Variants in MYBPC2 observed in about 807,000 individuals in gnomAD.
The protein encoded by MYBPC2 is myosin-binding protein C, fast-type.
MYBPC2 carries 122 observed loss-of-function variants against 137.0 expected under a neutral mutation model. That is an observed-to-expected ratio of 0.89 (90% CI 0.77 to 1.03). MYBPC2 has a LOEUF of 1.03. Among genes scored for constraint, MYBPC2 ranks in the 50% least tolerant of loss-of-function variants. The probability of loss-of-function intolerance (pLI) is 0.00; values close to 1 mark genes in which losing one functional copy is unlikely to be tolerated. For synonymous variants in MYBPC2, 626 were observed against 612.3 expected, an observed-to-expected ratio of 1.02 and a Z score of -0.33; for missense variants, 1,500 against 1,534.4, an observed-to-expected ratio of 0.98 and a Z score of 0.37.
intron 9 of MYBPC2, 95 bp from the exon 10 acceptor site, chr19:50,443,399 G>A: frequency 1.4e-6 from 2 of 1,480,168 alleles, no homozygotes; most frequent in South Asian, 1.3e-5. Context: ...CTGAGAGAGA[G>A]AGAGAGAGAC....
Position 50,435,956 on chromosome 19 carries a change from C to G in MYBPC2, c.197-56C>G. 6.4e-7 allele frequency: 1 copy of G among 1,553,150 alleles called. No homozygotes were observed. The highest frequency in any genetic ancestry group is 8.7e-7 in the Non-Finnish European group (1 of 1,147,446). ...TCTCGTTCTGTCTCCCTCTGGAGAGCCTTATGTTCCTTCCTGGGCCTCCTC... is the reference window on the plus strand; with the variant it reads ...TCTCGTTCTGTCTCCCTCTGGAGAGGCTTATGTTCCTTCCTGGGCCTCCTC... On this transcript the variant is annotated intron_variant, in intron 3 of 27. Coordinates refer to ENST00000357701, the MANE Select transcript of MYBPC2 (RefSeq NM_004533.4). The surrounding 1 kb of genome is among the most constrained non-coding windows in gnomAD (Gnocchi z 4.8).
chr19:50,437,912 A>G (rs1473715294), intron 7 of MYBPC2, among the ~76,000 whole-genome samples, 194 bp downstream of exon 7: 1 of 151,500 alleles, frequency 6.6e-6, no homozygotes, highest in Non-Finnish European at 1.5e-5. Flanking sequence ...CCACCTACCC[A>G]TTTACCCAGA....
rs199837060 is a variant in MYBPC2 at position 50,461,977 on chromosome 19, C to T, written c.3169C>T (p.Arg1057Cys). Residue 1057 changes from arginine (R) to cysteine (C), a missense_variant, in exon 26 of 28, where the codon CGC becomes TGC. Transcript: ENST00000357701. Reference protein sequence around the residue: ...APKFLTPLIDRVVVAGYSAAL... With the variant: ...APKFLTPLIDCVVVAGYSAAL... ...CAAGTTCCTGACACCTCTCATAGAC[C>T]GCGTGGTCGTGGCTGGGTACTCGGC... is the stretch of plus-strand genomic sequence containing the variant. The T allele has an allele frequency of 2.3e-4, 359 of 1,580,392 alleles. No individual in the cohort carries two copies. The East Asian group carries it at 6.6e-3, about 29-fold the overall frequency.
intron 13 of MYBPC2, among the ~76,000 whole-genome samples, chr19:50,448,916 G>C (rs1420812997): frequency 6.6e-6 from 1 of 151,634 alleles, no homozygotes; most frequent in Admixed American, 6.6e-5. Flanking sequence ...TTTTAGTCAA[G>C]ACAGAGTTTC....
chr19:50,440,949 T>C lies in MYBPC2; in HGVS notation c.642T>C (p.Ile214=). Residue 214 remains isoleucine (I), a synonymous_variant, in exon 8 of 28, where the codon ATT becomes ATC. Coordinates refer to ENST00000357701, the MANE Select transcript of MYBPC2 (RefSeq NM_004533.4). ...ATGACCTAGGCATCCCCCCGGAGATTTGGGAGCTCCTGAAAGGGGCAAAGA... is the reference window on the plus strand; with the variant it reads ...ATGACCTAGGCATCCCCCCGGAGATCTGGGAGCTCCTGAAAGGGGCAAAGA... ...DDDDLGIPPE[I]WELLKGAKKS... 2 of 1,613,484 alleles carry C rather than the reference T, an allele frequency of 1.2e-6. No homozygotes were observed. The highest frequency in any genetic ancestry group is 1.1e-5 in the South Asian group (1 of 91,028).
rs200513674 is a variant in MYBPC2 at position 50,454,285 on chromosome 19, G to A, written c.1930G>A (p.Ala644Thr). Reference sequence around the variant, plus strand: ...TGCAGATGTCCCAGACCCCCCGGAGGCTGTGCGCATCACCTCGGTTGGAGA... The same window carrying A: ...TGCAGATGTCCCAGACCCCCCGGAGACTGTGCGCATCACCTCGGTTGGAGA... ...QVVDVPDPPE[A>T]VRITSVGEDW... is the part of the protein sequence containing the mutation. The change falls in exon 18 of 28, where the codon GCT (alanine) becomes ACT (threonine). Residue 644 changes from alanine to threonine, a missense_variant. Physicochemically the swap from Ala to Thr is moderately conservative, Grantham distance 58 (BLOSUM62 0). Coordinates refer to ENST00000357701, the MANE Select transcript of MYBPC2 (RefSeq NM_004533.4). The A allele has an allele frequency of 3.7e-5, 60 of 1,613,972 alleles. No individual in the cohort carries two copies. In the East Asian group the frequency reaches 1.3e-3, roughly 36 times the overall value.
chr19:50,437,429 C>A, intron 5 of MYBPC2, 44 bp from the exon 6 acceptor site: 1 of 1,582,892 alleles, frequency 6.3e-7, no homozygotes, highest in Non-Finnish European at 8.6e-7. Flanking sequence ...AAGATCAGCC[C>A]TGGCCTCTAA....
rs1282693168 is a variant in MYBPC2, at chr19:50,436,151, C to T, written c.336C>T (p.Ser112=). 2.5e-6 allele frequency: 4 copies of T among 1,581,642 alleles called. No homozygotes were observed. The highest frequency in any genetic ancestry group is 3.4e-6 in the Non-Finnish European group (4 of 1,164,112). Residue 112 remains serine, a synonymous_variant, in exon 4 of 28, where the codon TCC becomes TCT. Transcript: ENST00000357701. ...ARFSFKESHN[S]ASNVYTVELH... ...TCTCCTTCAAGGAGTCCCACAACTC[C>T]GCCAGCAATGTGAGGACCCCGTGGG...
chr19:50,447,958 C>T (rs180729393), intron 12 of MYBPC2, among the ~76,000 whole-genome samples: 44 of 152,290 alleles, frequency 2.9e-4, no homozygotes, highest in East Asian at 2.1e-3. Flanking sequence ...CCTTTGCACA[C>T]GCTGGTCCCT....
At chr19:50,454,480 C>T (rs2039890946) in intron 18 of MYBPC2, 111 bp downstream of exon 18, 2 of 948,882 alleles carry the variant, frequency 2.1e-6, no homozygotes, top group Non-Finnish European at 3.0e-6. Flanking sequence ...GGCTGGAGTG[C>T]AGTGGCTCAA....
At chr19:50,444,290 T>C (rs3087047) in intron 11 of MYBPC2, among the ~76,000 whole-genome samples, 2,905 of 117,950 alleles carry the variant, frequency 0.025, 181 homozygotes, top group African/African-American at 0.072. Context: ...GTCCATCCAT[T>C]CATCCATCCA....
rs2039936046 is a variant in MYBPC2 at position 50,458,587 on chromosome 19, C to T, written c.2339C>T (p.Ser780Phe). The T allele has an allele frequency of 1.2e-6, 2 of 1,611,346 alleles. No homozygotes were observed. The highest frequency in any genetic ancestry group is 1.7e-5 in the Admixed American group (1 of 59,990). ...CCGCCAGCAGGGCCTCTCTCTCCAG[C>T]CGAGGAATGGGTCCCTGCCAACACC... is the stretch of plus-strand genomic sequence containing the variant. Reference protein sequence around the residue: ...GYLVEYCLEGSEEWVPANTEP... With the variant: ...GYLVEYCLEGFEEWVPANTEP... Residue 780 changes from serine to phenylalanine, a missense_variant and splice_region_variant, in exon 21 of 28, where the codon TCC becomes TTC. Physicochemically the swap from Ser to Phe is radical, Grantham distance 155. Transcript: ENST00000357701.
chr19:50,454,174 T>G lies in MYBPC2; in HGVS notation c.1904T>G (p.Val635Gly), dbSNP rs2039886472. Residue 635 changes from valine to glycine, a missense_variant, in exon 17 of 28, where the codon GTT becomes GGT. Coordinates refer to ENST00000357701, the MANE Select transcript of MYBPC2 (RefSeq NM_004533.4). ...GEDVASIFLQ[V>G]VDVPDPPEAV... ...GACGTGGCTTCCATCTTCCTGCAAG[T>G]TGTAGGTGAGCAGAGAAAGCCGAGG... 1.2e-6 allele frequency: 2 copies of G among 1,613,886 alleles called. No homozygotes were observed. Among genetic ancestry groups the G allele is most frequent in the Non-Finnish European group, 1.7e-6 (2 of 1,179,862 alleles).
At position 50,443,734 on chromosome 19, in the gene MYBPC2, C is replaced by T; in HGVS notation, c.1051C>T (p.Pro351Ser). 4 of 1,613,952 alleles carry T rather than the reference C, an allele frequency of 2.5e-6. No individual in the cohort carries two copies. Among genetic ancestry groups the T allele is most frequent in the Non-Finnish European group, 3.4e-6 (4 of 1,179,870 alleles). Reference protein sequence around the residue: ...VKEPPVLIVTPLEDQQVFVGD... With the variant: ...VKEPPVLIVTSLEDQQVFVGD... ...AGAACCTCCAGTCCTAATTGTCACA[C>T]CTCTTGAGGACCAGCAGGTGTTTGT... Residue 351 changes from proline (P) to serine (S), a missense_variant, in exon 11 of 28, where the codon CCT becomes TCT. Transcript: ENST00000357701.
Position 50,445,935 on chromosome 19 carries a change from T to C in MYBPC2, c.1189T>C (p.Phe397Leu). ...GGATTCCTTCAAGGCCCGGTACCGC[T>C]TCAAGAAGGACGGGAAGCGCCACAT... is the stretch of plus-strand genomic sequence containing the variant. ...REDSFKARYRFKKDGKRHILI... is the reference protein window; with the variant it reads ...REDSFKARYRLKKDGKRHILI... The change falls in exon 12 of 28, where the codon TTC becomes CTC. Residue 397 changes from phenylalanine (F) to leucine (L), a missense_variant. Phe to Leu is a conservative substitution (Grantham distance 22). Coordinates refer to ENST00000357701, the MANE Select transcript of MYBPC2 (RefSeq NM_004533.4). The C allele has an allele frequency of 1.2e-6, 2 of 1,611,562 alleles. No individual in the cohort carries two copies. Among genetic ancestry groups the C allele is most frequent in the South Asian group, 1.1e-5 (1 of 90,382 alleles).
intron 27 of MYBPC2, 113 bp downstream of exon 27, chr19:50,464,645 C>T (rs2039999264): frequency 2.5e-6 from 3 of 1,214,908 alleles, no homozygotes; most frequent in Non-Finnish European, 3.3e-6. Context: ...TGAGACCAGC[C>T]CTCTGGGAGG....
At chr19:50,442,076 C>A in intron 8 of MYBPC2, 105 bp from the exon 9 acceptor site, 1 of 1,395,990 alleles carries the variant, frequency 7.2e-7, no homozygotes, top group South Asian at 1.4e-5. Context: ...CTCACTTTGA[C>A]CTTGGAGAGC....
intron 7 of MYBPC2, 60 bp from the exon 8 acceptor site, chr19:50,440,820 A>T: frequency 6.6e-7 from 1 of 1,516,898 alleles, no homozygotes; most frequent in Non-Finnish European, 8.9e-7. Context: ...TGAAGAAGGC[A>T]GAGGGACATC....
In MYBPC2 at chr19:50,447,919, G is replaced by A. The variant is rs564776189; in HGVS notation, c.1307-306G>A. Among the ~76,000 whole-genome samples the A allele has an allele frequency of 1.8e-3, 267 of 152,116 alleles. 1 individual carries two copies. Among genetic ancestry groups the A allele is most frequent in the Middle Eastern group, 3.4e-3 (1 of 294 alleles). ...TCCCCAAAGTGCTGGGATTACAGGC[G>A]TGAACCACTGTGCCCGGCCACCTCA... On this transcript the variant is annotated intron_variant, in intron 12 of 27. Coordinates refer to ENST00000357701, the MANE Select transcript of MYBPC2 (RefSeq NM_004533.4).
Sources: allele counts gnomAD v4.1 joint callset (sites outside exome capture counted in the v4.1 genomes callset), GRCh38; gene constraint gnomAD v4.1.1; non-coding constraint Gnocchi (gnomAD v3.1); transcripts MANE v1.5; gene names NCBI Gene and HGNC (gene_info 2026-07-23, HGNC 2026-07-21).